The following CFAP100 variants were observed in gnomAD, a reference collection of about 807,000 sequenced individuals.
The protein encoded by CFAP100 is cilia- and flagella-associated protein 100.
CFAP100 carries 70 observed loss-of-function variants against 81.5 expected under a neutral mutation model. The ratio of observed to expected loss-of-function variants is 0.86; its 90% CI spans 0.71 to 1.05. The LOEUF is 1.05. CFAP100 is among the 50% of genes least tolerant of loss of function. CFAP100 has a pLI of 0.00. For synonymous variants in CFAP100, 341 were observed against 314.8 expected, an observed-to-expected ratio of 1.08 and a Z score of -0.88; for missense variants, 811 against 776.5, an observed-to-expected ratio of 1.04 and a Z score of -0.53.
Position 126,436,284 on chromosome 3 carries a change from C to G in CFAP100, c.1723-7C>G, listed in dbSNP as rs1933443513. On this transcript the variant is annotated splice_region_variant and splice_polypyrimidine_tract_variant and intron_variant, in intron 16 of 16. Coordinates refer to ENST00000352312, the MANE Select transcript of CFAP100 (RefSeq NM_182628.3). ...AGCAAGGCTCACTGGGCTTGTTTCC[C>G]CTGCAGAGAGGCAGGACACTGGTAT... The G allele has an allele frequency of 6.2e-7, 1 of 1,611,700 alleles. No individual in the cohort carries two copies. The highest frequency in any genetic ancestry group is 2.2e-5 in the East Asian group (1 of 44,856).
chr3:126,414,030 G>C (rs2083195605), intron 3 of CFAP100, 55 bp from the exon 4 acceptor site: 1 of 1,340,842 alleles, frequency 7.5e-7, no homozygotes, highest in Non-Finnish European at 1.1e-6. Flanking sequence ...CAGAGACAGA[G>C]ACCACCGCCT....
chr3:126,409,879 C>T (rs538512125), intron 3 of CFAP100, among the ~76,000 whole-genome samples: 2 of 152,314 alleles, frequency 1.3e-5, no homozygotes, highest in African/African-American at 4.8e-5. Context: ...CTGCCTTTCA[C>T]TCTCTGAGTG....
At chr3:126,425,784 C>T (rs187464422) in intron 13 of CFAP100, among the ~76,000 whole-genome samples, 2 of 152,314 alleles carry the variant, frequency 1.3e-5, no homozygotes, top group East Asian at 3.9e-4. Context: ...CATAATCTGT[C>T]ATATCCACAT....
Position 126,434,353 on chromosome 3 carries a change from A to C in CFAP100, c.1600A>C (p.Arg534=). ...CCAGGTCAAGATCGAGCAGGCCGAGAGGGCAAAGGAGAAGGAGCGGCGCAT... is the reference window on the plus strand; with the variant it reads ...CCAGGTCAAGATCGAGCAGGCCGAGCGGGCAAAGGAGAAGGAGCGGCGCAT... ...VPQVKIEQAE[R]AKEKERRIRL... The change falls in exon 15 of 17, where the codon AGG becomes CGG. Residue 534 remains arginine, a synonymous_variant. Transcript: ENST00000352312. 2.5e-6 allele frequency: 4 copies of C among 1,613,916 alleles called. No homozygotes were observed. The highest frequency in any genetic ancestry group is 4.5e-5 in the East Asian group (2 of 44,864).
chr3:126,418,561 C>T, intron 6 of CFAP100, 36 bp downstream of exon 6: 28 of 1,613,774 alleles, frequency 1.7e-5, no homozygotes, highest in Non-Finnish European at 2.3e-5. Flanking sequence ...TGGATGCCAG[C>T]AGTGGCTGGC....
At chr3:126,408,147 G>C (rs2083098416) in intron 3 of CFAP100, among the ~76,000 whole-genome samples, 1 of 152,162 alleles carries the variant, frequency 6.6e-6, no homozygotes, top group Non-Finnish European at 1.5e-5. Context: ...ACCAGGTTCT[G>C]CCACTGACTC....
intron 15 of CFAP100, 26 bp from the exon 16 acceptor site, chr3:126,435,533 T>G: frequency 6.3e-7 from 1 of 1,599,830 alleles, no homozygotes; most frequent in South Asian, 1.1e-5. Context: ...TCCCCCCAGT[T>G]TTCAATGTCA....
Position 126,433,087 on chromosome 3 carries a change from G to C in CFAP100, c.1305G>C (p.Gln435His). ...CTTCCAGGGACAGGGAGGTCAACCA[G>C]CTGAAGCAGTGGGTCACCACAATGA... The part of the protein sequence containing the change: ...TQIRMDREVN[Q>H]LKQWVTTMMM... The change falls in exon 14 of 17, where the codon CAG becomes CAC. Residue 435 changes from glutamine to histidine, a missense_variant. Gln to His is a conservative substitution (Grantham distance 24, BLOSUM62 0). Coordinates refer to ENST00000352312, the MANE Select transcript of CFAP100 (RefSeq NM_182628.3). The C allele has an allele frequency of 6.2e-7, 1 of 1,614,170 alleles. No homozygotes were observed.
chr3:126,432,811 G>A (rs747354824), intron 13 of CFAP100: 5 of 353,814 alleles, frequency 1.4e-5, no homozygotes, highest in Non-Finnish European at 2.5e-5. Flanking sequence ...TGATGGTTAT[G>A]CTAATTTTAT....
intron 4 of CFAP100, 107 bp from the exon 5 acceptor site, chr3:126,416,209 G>A: frequency 2.1e-6 from 2 of 955,350 alleles, no homozygotes; most frequent in South Asian, 1.7e-5. Flanking sequence ...TCAGGTCCCC[G>A]CGTCCTCGCG....
At chr3:126,433,690 G>A (rs1477507906) in intron 14 of CFAP100, 1 of 194,470 alleles carries the variant, frequency 5.1e-6, no homozygotes, top group African/African-American at 2.3e-5. Context: ...CAGGGCCAAG[G>A]GTGTGGGATG....
At chr3:126,406,587 C>A (rs1441711934) in intron 2 of CFAP100, among the ~76,000 whole-genome samples, 1 of 152,256 alleles carries the variant, frequency 6.6e-6, no homozygotes, top group African/African-American at 2.4e-5. Context: ...GAGTAGTCAC[C>A]TGAAGAAACA....
chr3:126,434,188 G>C lies in CFAP100; in HGVS notation c.1435G>C (p.Glu479Gln). The C allele has an allele frequency of 1.2e-6, 2 of 1,611,630 alleles. No homozygotes were observed. The highest frequency in any genetic ancestry group is 8.5e-7 in the Non-Finnish European group (1 of 1,178,446). Reference sequence around the variant, plus strand: ...ACCTCCTCCACAGGATAAGCTGCTAGAGAGCCTGAACTGCAAGGTGCTGGA... The same window carrying C: ...ACCTCCTCCACAGGATAAGCTGCTACAGAGCCTGAACTGCAAGGTGCTGGA... ...YKGDQQDKLL[E>Q]SLNCKVLDVY... Residue 479 changes from glutamate (E) to glutamine (Q), a missense_variant, in exon 15 of 17, where the codon GAG becomes CAG. By Grantham distance (29) the Glu-to-Gln change is conservative. Coordinates refer to ENST00000352312, the MANE Select transcript of CFAP100 (RefSeq NM_182628.3).
intron 13 of CFAP100, among the ~76,000 whole-genome samples, chr3:126,429,622 GTTT>G (rs56249367): frequency 6.9e-6 from 1 of 145,666 alleles, no homozygotes; most frequent in African/African-American, 2.5e-5. Flanking sequence ...TCTACTGTAG[GTTT>G]TTTTTTTTGT....
In CFAP100 at chr3:126,423,608, A is replaced by G. The variant is rs2083368178; in HGVS notation, c.1250A>G (p.Glu417Gly). ...NSQETEKTLE[E>G]LSHTLKHTQI... ...CAGGAGACGGAGAAGACCCTGGAGG[A>G]GCTGAGCCACACCCTGAAACACACC... The change falls in exon 13 of 17, where the codon GAG becomes GGG. Residue 417 changes from glutamate to glycine, a missense_variant. By Grantham distance (98) the Glu-to-Gly change is moderately conservative (BLOSUM62 -2). Transcript: ENST00000352312. 1 of 1,614,166 alleles carries G rather than the reference A, an allele frequency of 6.2e-7. No individual in the cohort carries two copies. Among genetic ancestry groups the G allele is most frequent in the Admixed American group, 1.7e-5 (1 of 60,026 alleles).
At chr3:126,419,891 C>G in intron 9 of CFAP100, 73 bp downstream of exon 9, 1 of 1,610,554 alleles carries the variant, frequency 6.2e-7, no homozygotes, top group East Asian at 2.2e-5. Flanking sequence ...GCCCAGCTGG[C>G]AGGTTACCTG....
chr3:126,400,885 G>A (rs1265219009), intron 2 of CFAP100, among the ~76,000 whole-genome samples: 2 of 152,208 alleles, frequency 1.3e-5, no homozygotes, highest in Non-Finnish European at 2.9e-5. Context: ...ATTAGCACAC[G>A]CATGTTCACA....
At chr3:126,413,247 T>C (rs2083184810) in intron 3 of CFAP100, among the ~76,000 whole-genome samples, 1 of 152,200 alleles carries the variant, frequency 6.6e-6, no homozygotes. Context: ...CTGCCCTCCA[T>C]GCCCTTGTCC....
At chr3:126,434,460 C>A in intron 15 of CFAP100, 79 bp downstream of exon 15, 1 of 1,382,196 alleles carries the variant, frequency 7.2e-7, no homozygotes, top group Non-Finnish European at 1.0e-6. Flanking sequence ...GCCCCACCCT[C>A]AAAGCACTCC....
Sources: allele counts gnomAD v4.1 joint callset (sites outside exome capture counted in the v4.1 genomes callset), GRCh38; gene constraint gnomAD v4.1.1; transcripts MANE v1.5; gene names NCBI Gene and HGNC (gene_info 2026-07-23, HGNC 2026-07-21).